The following MTHFD1L variants were observed in gnomAD, a reference collection of about 807,000 sequenced individuals.
MTHFD1L encodes monofunctional C1-tetrahydrofolate synthase, mitochondrial.
In MTHFD1L, 81 loss-of-function variants were observed where a neutral mutation model predicts 119.5. That is an observed-to-expected ratio of 0.68 (90% CI 0.57 to 0.82). The LOEUF is 0.82. MTHFD1L is among the 40% of genes least tolerant of loss of function. The probability of loss-of-function intolerance (pLI) is 0.00; values close to 1 mark genes in which losing one functional copy is unlikely to be tolerated. For synonymous variants in MTHFD1L, 430 were observed against 475.2 expected (o/e 0.90, Z 1.24); for missense variants, 1,125 against 1,253.4 (o/e 0.90, Z 1.55).
chr6:150,912,312 T>TC (rs397769310), intron 8 of MTHFD1L, among the ~76,000 whole-genome samples: 19 of 152,034 alleles, frequency 1.2e-4, no homozygotes, highest in Admixed American at 6.6e-5. Context: ...TTTTTTTTTT[T>TC]CAAGTTCTAC....
At chr6:151,012,888 G>A (rs1252353055) in intron 21 of MTHFD1L, among the ~76,000 whole-genome samples, 1 of 152,168 alleles carries the variant, frequency 6.6e-6, no homozygotes, top group Non-Finnish European at 1.5e-5. Context: ...GCTCTCAGGG[G>A]AGGCCAGTCT....
intron 1 of MTHFD1L, chr6:150,866,400 T>G: frequency 4.4e-6 from 6 of 1,364,670 alleles, no homozygotes; most frequent in Non-Finnish European, 5.6e-6. Context: ...AAAGGGGCGG[T>G]GCGGCTGGGG....
intron 24 of MTHFD1L, chr6:151,022,018 C>T (rs1359799744): frequency 2.1e-6 from 1 of 471,050 alleles, no homozygotes; most frequent in African/African-American, 2.0e-5. Context: ...TTTCCTGTTC[C>T]TTGCGTGAAG....
intron 16 of MTHFD1L, among the ~76,000 whole-genome samples, chr6:150,954,688 C>T (rs568491960): frequency 3.2e-4 from 49 of 152,026 alleles, no homozygotes; most frequent in South Asian, 6.3e-4. Flanking sequence ...AAAAGAGAGA[C>T]AAGGTCTCAC....
At chr6:151,067,770 A>C (rs1791496610) in intron 26 of MTHFD1L, among the ~76,000 whole-genome samples, 1 of 152,242 alleles carries the variant, frequency 6.6e-6, no homozygotes. Context: ...TCCCCACCCC[A>C]GTGACCCTGC....
chr6:151,020,059 A>C (rs1256662179), intron 24 of MTHFD1L, among the ~76,000 whole-genome samples: 1 of 152,180 alleles, frequency 6.6e-6, no homozygotes, highest in Non-Finnish European at 1.5e-5. Flanking sequence ...ACACTCTCCC[A>C]CCTTTGCTTC....
chr6:150,981,480 C>T (rs1362539984), intron 20 of MTHFD1L, among the ~76,000 whole-genome samples: 5 of 152,156 alleles, frequency 3.3e-5, no homozygotes, highest in East Asian at 1.9e-4. Flanking sequence ...CACAGATGTG[C>T]GGCTTTTCTT....
At chr6:150,946,100 A>G (rs1448258313) in intron 15 of MTHFD1L, among the ~76,000 whole-genome samples, 1 of 152,186 alleles carries the variant, frequency 6.6e-6, no homozygotes, top group Non-Finnish European at 1.5e-5. Context: ...CTAGGAAATT[A>G]TAGGATAACC....
At chr6:151,010,300 A>T (rs1782040678) in intron 21 of MTHFD1L, among the ~76,000 whole-genome samples, 1 of 152,200 alleles carries the variant, frequency 6.6e-6, no homozygotes, top group Non-Finnish European at 1.5e-5. Context: ...CCAAGATTGT[A>T]TAACCATATG....
At chr6:151,024,327 T>C (rs1784350269) in intron 24 of MTHFD1L, among the ~76,000 whole-genome samples, 1 of 151,966 alleles carries the variant, frequency 6.6e-6, no homozygotes, top group Non-Finnish European at 1.5e-5. Context: ...ATCGCTAGAA[T>C]CGAGGAGTTC....
At chr6:150,965,169 A>T in intron 19 of MTHFD1L, 132 bp downstream of exon 19, 2 of 727,004 alleles carry the variant, frequency 2.8e-6, no homozygotes, top group South Asian at 3.3e-5. Context: ...CTCAGGCAGA[A>T]AGAGTGAGGA....
chr6:150,950,370 A>G (rs565419165), intron 16 of MTHFD1L, among the ~76,000 whole-genome samples: 3 of 152,312 alleles, frequency 2.0e-5, no homozygotes, highest in Admixed American at 2.0e-4. Flanking sequence ...TCGTCCCTTC[A>G]GGGAGCTTCC....
At chr6:150,891,971 A>C (rs540132305) in intron 7 of MTHFD1L, among the ~76,000 whole-genome samples, 4 of 152,334 alleles carry the variant, frequency 2.6e-5, no homozygotes, top group East Asian at 1.9e-4. Flanking sequence ...GTCTCAGCAG[A>C]TTTGGAATCT....
intron 18 of MTHFD1L, among the ~76,000 whole-genome samples, chr6:150,961,238 C>T (rs552044738): frequency 2.5e-3 from 383 of 152,110 alleles, no homozygotes; most frequent in Admixed American, 7.6e-3. Flanking sequence ...AGATTACAGG[C>T]GCACGCCACC....
At chr6:150,988,767 C>T (rs894183278) in intron 20 of MTHFD1L, among the ~76,000 whole-genome samples, 7 of 152,100 alleles carry the variant, frequency 4.6e-5, no homozygotes, top group South Asian at 2.1e-4. Context: ...CCACCACACC[C>T]GGCTAATTTT....
intron 25 of MTHFD1L, 49 bp downstream of exon 25, chr6:151,034,649 C>T: frequency 8.6e-7 from 1 of 1,158,124 alleles, no homozygotes; most frequent in Non-Finnish European, 1.3e-6. Context: ...CTTAGGCTCT[C>T]AGAATACTCA....
At position 151,101,828 on chromosome 6, in the gene MTHFD1L, C is replaced by T. The variant is rs1199527221; in HGVS notation, c.*334C>T. On this transcript the variant is annotated 3_prime_UTR_variant, in exon 28 of 28. Coordinates refer to ENST00000367321, the MANE Select transcript of MTHFD1L (RefSeq NM_015440.5). ...GTGTGAACTAAAAGGTAACATTTTC[C>T]ACTCTCAAGTTTTCTACTTTGTCTT... The T allele has an allele frequency of 1.3e-5, 2 of 152,182 alleles. No homozygotes were observed. The highest frequency in any genetic ancestry group is 2.4e-5 in the African/African-American group (1 of 41,410). The allele number at this position is 152,182 out of a possible 1,614,324, so 9.4% of individuals were successfully genotyped here. A position where few individuals can be genotyped will look rare whatever the true frequency, so the allele number is the denominator to read the frequency against.
intron 20 of MTHFD1L, among the ~76,000 whole-genome samples, chr6:150,995,527 A>T (rs1479694190): frequency 3.9e-5 from 6 of 151,980 alleles, no homozygotes; most frequent in Admixed American, 3.9e-4. Flanking sequence ...AAAAAAAAAA[A>T]AAAATGCTTA....
At chr6:150,898,745 C>A in intron 7 of MTHFD1L, 1 of 288,376 alleles carries the variant, frequency 3.5e-6, no homozygotes. Flanking sequence ...AGGAAGCTTC[C>A]TGTTACCACC....
Sources: gnomAD v4.1 joint callset for allele counts (sites outside exome capture counted in the v4.1 genomes callset) on GRCh38, gnomAD v4.1.1 for gene constraint, MANE v1.5 for transcripts, NCBI Gene and HGNC (gene_info 2026-07-23, HGNC 2026-07-21) for gene names.